TMC1: variants seen among roughly 807,000 people sequenced by gnomAD.
The protein encoded by TMC1 is transmembrane channel like 1.
Under a neutral mutation model 105.8 loss-of-function variants are expected in TMC1, and 84 were observed. The ratio of observed to expected loss-of-function variants is 0.79; its 90% CI spans 0.67 to 0.95. TMC1 has a LOEUF of 0.95. Ranked by LOEUF, TMC1 falls within the 40% of genes least tolerant of loss-of-function variation. The probability of loss-of-function intolerance (pLI) is 0.00; values close to 1 mark genes in which losing one functional copy is unlikely to be tolerated. For synonymous variants in TMC1, 315 were observed against 311.5 expected, an observed-to-expected ratio of 1.01 and a Z score of -0.12; for missense variants, 817 against 914.1, an observed-to-expected ratio of 0.89 and a Z score of 1.37.
intron 8 of TMC1, among the ~76,000 whole-genome samples, chr9:72,703,770 G>T (rs1181191577): frequency 1.3e-5 from 2 of 152,204 alleles, no homozygotes; most frequent in East Asian, 3.9e-4. Flanking sequence ...AACAACTGTG[G>T]CTTCTCACAT....
At chr9:72,685,930 A>G (rs1176214609) in intron 5 of TMC1, among the ~76,000 whole-genome samples, 3 of 152,218 alleles carry the variant, frequency 2.0e-5, no homozygotes, top group Non-Finnish European at 4.4e-5. Flanking sequence ...ATCCTGAAGA[A>G]GCATAAACTA....
At chr9:72,604,150 T>C (rs1348968771) in intron 2 of TMC1, among the ~76,000 whole-genome samples, 1 of 152,122 alleles carries the variant, frequency 6.6e-6, no homozygotes, top group African/African-American at 2.4e-5. Flanking sequence ...GTGATAAAAT[T>C]TCCTGTAATT....
chr9:72,701,226 T>G (rs12552056), intron 8 of TMC1, among the ~76,000 whole-genome samples: 26,007 of 152,158 alleles, frequency 0.17, 2,800 homozygotes, highest in Middle Eastern at 0.24. Flanking sequence ...GGATTCCAAT[T>G]AAAGGTTATG....
chr9:72,808,006 CCA>C (rs1828633299), intron 18 of TMC1, among the ~76,000 whole-genome samples: 1 of 152,168 alleles, frequency 6.6e-6, no homozygotes, highest in Non-Finnish European at 1.5e-5. Flanking sequence ...TGCCTGGTTT[CCA>C]CTGTCCTCCT....
rs1401532584 is a variant in TMC1 at position 72,683,731 on chromosome 9, TTTTATA to T, written c.17-4976_17-4971del. Among the ~76,000 whole-genome samples the T allele has an allele frequency of 7.5e-3, 372 of 49,610 alleles. 12 individuals are homozygous for T. Among genetic ancestry groups the T allele is most frequent in the Middle Eastern group, 0.038 (4 of 106 alleles). The allele number at this position is 49,610 out of a possible 152,430, so 32.5% of individuals were successfully genotyped here. On this transcript the variant is annotated intron_variant, in intron 5 of 23. Transcript: ENST00000297784. ...GGTCTGAGTTAACCTGAGTTACACA[TTTTATA>T]TATATATATATATATATATATATAT...
chr9:72,593,363 A>T (rs540825468), intron 2 of TMC1, among the ~76,000 whole-genome samples: 1 of 151,892 alleles, frequency 6.6e-6, no homozygotes, highest in East Asian at 1.9e-4. Flanking sequence ...ACATAGTAAG[A>T]TCCCCATTTT....
intron 12 of TMC1, among the ~76,000 whole-genome samples, chr9:72,772,058 A>T (rs1260367426): frequency 6.6e-6 from 1 of 152,184 alleles, no homozygotes; most frequent in Non-Finnish European, 1.5e-5. Context: ...TCAGATCCCC[A>T]TCCCCTAGTA....
At chr9:72,830,408 C>A (rs1001659894) in intron 21 of TMC1, 43 bp from the exon 22 acceptor site, 2 of 1,381,574 alleles carry the variant, frequency 1.4e-6, no homozygotes, top group East Asian at 2.3e-5. Context: ...TCTTGGGGAA[C>A]TGAAATATAC....
chr9:72,830,813 C>T lies in TMC1; in HGVS notation c.2260+131C>T. The stretch of plus-strand genomic sequence containing the variant: ...TGCTGTGAGCGAGTCATTCCACAAT[C>T]CTTACCTTCCACCTTTTTAGCCCTT... On this transcript the variant is annotated intron_variant, in intron 23 of 23. Coordinates refer to ENST00000297784, the MANE Select transcript of TMC1 (RefSeq NM_138691.3). The T allele has an allele frequency of 1.0e-5, 8 of 788,168 alleles. No homozygotes were observed. The South Asian group carries it at 1.2e-4, about 12-fold the overall frequency. 48.8% of individuals were successfully genotyped at this position (788,168 alleles called of 1,614,324 possible).
At chr9:72,755,015 G>A (rs2118068045) in intron 12 of TMC1, 131 bp downstream of exon 12, 2 of 323,806 alleles carry the variant, frequency 6.2e-6, no homozygotes, top group Non-Finnish European at 1.2e-5. Flanking sequence ...CTCCCTTTAA[G>A]AAAGAAAGGA....
At chr9:72,692,724 G>T (rs1826485835) in intron 6 of TMC1, among the ~76,000 whole-genome samples, 1 of 152,092 alleles carries the variant, frequency 6.6e-6, no homozygotes, top group Admixed American at 6.6e-5. Flanking sequence ...ATGCCATGAT[G>T]GGGTTCAAAT....
At chr9:72,550,676 A>AAG (rs1367309909) in intron 1 of TMC1, among the ~76,000 whole-genome samples, 1 of 151,094 alleles carries the variant, frequency 6.6e-6, no homozygotes, top group Non-Finnish European at 1.5e-5. Flanking sequence ...AAAAAAAAAA[A>AAG]AAAGTATGGT....
chr9:72,716,701 C>T (rs980455874), intron 8 of TMC1, among the ~76,000 whole-genome samples: 6 of 152,148 alleles, frequency 3.9e-5, no homozygotes, highest in South Asian at 2.1e-4. Context: ...TGCTGGGCTC[C>T]GTGGGAGTGG....
intron 3 of TMC1, among the ~76,000 whole-genome samples, chr9:72,616,867 A>G (rs1204089533): frequency 1.3e-5 from 2 of 152,044 alleles, no homozygotes; most frequent in Non-Finnish European, 2.9e-5. Flanking sequence ...GCTAGCTTTC[A>G]TGGGAGCCAC....
At chr9:72,668,276 A>G (rs1177637241) in intron 5 of TMC1, among the ~76,000 whole-genome samples, 1 of 152,182 alleles carries the variant, frequency 6.6e-6, no homozygotes, top group Non-Finnish European at 1.5e-5. Flanking sequence ...GATGGTCAGA[A>G]AGGTTAAAAA....
At chr9:72,612,346 A>G (rs1825042115) in intron 2 of TMC1, among the ~76,000 whole-genome samples, 1 of 151,478 alleles carries the variant, frequency 6.6e-6, no homozygotes, top group African/African-American at 2.4e-5. Flanking sequence ...AATTTTTTGT[A>G]TTTTTTTTGT....
chr9:72,643,042 T>C (rs1825653114), intron 4 of TMC1, among the ~76,000 whole-genome samples: 1 of 152,186 alleles, frequency 6.6e-6, no homozygotes, highest in South Asian at 2.1e-4. Context: ...ATTTGACTTA[T>C]TCACGTTGTT....
chr9:72,680,529 GA>G (rs1359269163), intron 5 of TMC1, among the ~76,000 whole-genome samples: 1 of 151,978 alleles, frequency 6.6e-6, no homozygotes, highest in Non-Finnish European at 1.5e-5. Context: ...TATTTTTATA[GA>G]AAAAATGAAG....
rs117859964 is a variant in TMC1 at position 72,678,798 on chromosome 9, T to C, written c.17-9911T>C. Among the ~76,000 whole-genome samples, 495 of 152,170 alleles carry C rather than the reference T, an allele frequency of 3.3e-3. 4 individuals are homozygous for C. The highest frequency in any genetic ancestry group is 3.7e-3 in the Non-Finnish European group (249 of 67,980). On this transcript the variant is annotated intron_variant, in intron 5 of 23. Transcript: ENST00000297784. ...GATGTTCTTCAGAAAATAAGACAAT[T>C]AGAAATCTCTGATTGTAATCTTCAT...
Sources: allele counts gnomAD v4.1 joint callset (sites outside exome capture counted in the v4.1 genomes callset), GRCh38; gene constraint gnomAD v4.1.1; transcripts MANE v1.5; gene names NCBI Gene and HGNC (gene_info 2026-07-23, HGNC 2026-07-21).